POPDC1: variants seen among roughly 807,000 people sequenced by gnomAD.
POPDC1 encodes the protein popeye domain cAMP effector 1.
chr6:105,120,813 T>C, the POPDC1 span, among the ~76,000 whole-genome samples: 7 of 152,218 alleles, frequency 4.6e-5, no homozygotes, highest in Non-Finnish European at 8.8e-5. Context: ...ACTGGCTGAC[T>C]GTCCTAAGGA....
the POPDC1 span, among the ~76,000 whole-genome samples, chr6:105,111,694 T>A: frequency 6.6e-6 from 1 of 152,200 alleles, no homozygotes; most frequent in African/African-American, 2.4e-5. Context: ...ATACAGAATC[T>A]ATGTGGAAAG....
At chr6:105,115,663 G>T in the POPDC1 span, 8 of 1,613,536 alleles carry the variant, frequency 5.0e-6, no homozygotes, top group Non-Finnish European at 6.8e-6. Flanking sequence ...CTCTGGAGTA[G>T]TATCAGTTTT....
At chr6:105,116,694 CACTT>C in the POPDC1 span, 1 of 1,565,130 alleles carries the variant, frequency 6.4e-7, no homozygotes, top group Non-Finnish European at 8.6e-7. Context: ...ACTCAGAGAA[CACTT>C]ACTTTATCAT....
chr6:105,130,367 T>C, the POPDC1 span, among the ~76,000 whole-genome samples: 2 of 152,104 alleles, frequency 1.3e-5, no homozygotes, highest in African/African-American at 4.8e-5. Flanking sequence ...TTTTGACAAG[T>C]GGAAAAAAAA....
chr6:105,113,778 G>T, the POPDC1 span, among the ~76,000 whole-genome samples: 1 of 150,686 alleles, frequency 6.6e-6, no homozygotes, highest in Non-Finnish European at 1.5e-5. Context: ...TCAGCCTATT[G>T]AGTAGCTAGA....
chr6:105,135,571 T>C, the POPDC1 span, among the ~76,000 whole-genome samples: 1 of 152,144 alleles, frequency 6.6e-6, no homozygotes, highest in African/African-American at 2.4e-5. Flanking sequence ...TACAAGTTCT[T>C]AAAGTGACAC....
At chr6:105,134,529 C>A in the POPDC1 span, among the ~76,000 whole-genome samples, 1 of 151,888 alleles carries the variant, frequency 6.6e-6, no homozygotes, top group Non-Finnish European at 1.5e-5. Flanking sequence ...AAATGGGGAC[C>A]CTAAATACAT....
At chr6:105,116,740 A>C in the POPDC1 span, 1 of 1,609,772 alleles carries the variant, frequency 6.2e-7, no homozygotes, top group South Asian at 1.1e-5. Flanking sequence ...AGTAGAGCTT[A>C]TTTGTGATGT....
the POPDC1 span, chr6:105,100,833 CTG>C: frequency 9.8e-4 from 265 of 271,482 alleles, no homozygotes; most frequent in African/African-American, 5.2e-3. Context: ...CTAGAAAAGA[CTG>C]TGAAAATATA....
chr6:105,115,907 T>C, the POPDC1 span: 2 of 1,444,248 alleles, frequency 1.4e-6, no homozygotes, highest in South Asian at 2.7e-5. Flanking sequence ...GTACTTTTCC[T>C]AGAAATACGT....
At chr6:105,125,628 A>G in the POPDC1 span, 5 of 1,545,038 alleles carry the variant, frequency 3.2e-6, no homozygotes, top group South Asian at 2.2e-5. Context: ...AGCAATCCCA[A>G]AACACTGACT....
At chr6:105,134,879 T>C in the POPDC1 span, among the ~76,000 whole-genome samples, 7 of 152,154 alleles carry the variant, frequency 4.6e-5, no homozygotes, top group African/African-American at 1.7e-4. Flanking sequence ...TCACCTATTT[T>C]CCAAATGTCT....
chr6:105,133,667 A>C, the POPDC1 span: 1 of 1,007,188 alleles, frequency 9.9e-7, no homozygotes, highest in Non-Finnish European at 1.5e-6. Context: ...TTATACCAAA[A>C]TTATTTCTGT....
the POPDC1 span, among the ~76,000 whole-genome samples, chr6:105,118,343 T>G: frequency 6.6e-6 from 1 of 152,202 alleles, no homozygotes; most frequent in African/African-American, 2.4e-5. Context: ...AAAAGTGGTG[T>G]CAACATTCCT....
the POPDC1 span, chr6:105,115,715 A>T: frequency 6.2e-7 from 1 of 1,614,172 alleles, no homozygotes; most frequent in Admixed American, 1.7e-5. Flanking sequence ...GGTACCCCGA[A>T]GAAACTGGTG....
chr6:105,111,183 T>A, the POPDC1 span, among the ~76,000 whole-genome samples: 83 of 152,020 alleles, frequency 5.5e-4, no homozygotes, highest in African/African-American at 1.1e-3. Flanking sequence ...CTTGTGATTT[T>A]AAAAAAAAAT....
At chr6:105,129,011 G>A in the POPDC1 span, among the ~76,000 whole-genome samples, 2 of 152,250 alleles carry the variant, frequency 1.3e-5, no homozygotes, top group Admixed American at 6.5e-5. Flanking sequence ...TGAACTATTT[G>A]TAAATCATTA....
the POPDC1 span, among the ~76,000 whole-genome samples, chr6:105,105,037 T>A: frequency 6.6e-6 from 1 of 152,174 alleles, no homozygotes; most frequent in South Asian, 2.1e-4. Context: ...TGAATGAGCT[T>A]ATTTCTTACC....
At chr6:105,116,826 A>G in the POPDC1 span, 2 of 1,612,278 alleles carry the variant, frequency 1.2e-6, no homozygotes, top group Non-Finnish European at 1.7e-6. Flanking sequence ...CTTTCTCTTG[A>G]CCAGCATAAA....
Sources: gnomAD v4.1 joint callset for allele counts (sites outside exome capture counted in the v4.1 genomes callset) on GRCh38, gnomAD v4.1.1 for gene constraint, MANE v1.5 for transcripts, NCBI Gene and HGNC (gene_info 2026-07-23, HGNC 2026-07-21) for gene names.